Variants in RRBP1 observed in about 807,000 individuals in gnomAD.
RRBP1 encodes ribosome binding protein 1, also known as ribosome-binding protein 1.
A neutral mutation model predicts 165.2 loss-of-function variants in RRBP1; 94 were observed. The observed-to-expected ratio is 0.57, with a 90% CI of 0.48 to 0.68. The LOEUF (loss-of-function observed/expected upper bound fraction) is 0.68, where lower values mean the gene tolerates loss of function less well. RRBP1 is among the 30% of genes least tolerant of loss of function. The pLI is 0.00. For missense variants in RRBP1, 1,676 were observed against 1,763.0 expected, an observed-to-expected ratio of 0.95 and a Z score of 0.88; for synonymous variants, 680 against 714.5, an observed-to-expected ratio of 0.95 and a Z score of 0.77.
intron 2 of RRBP1, among the ~76,000 whole-genome samples, chr20:17,674,085 T>C (rs972880619): frequency 3.9e-5 from 6 of 152,196 alleles, no homozygotes; most frequent in Admixed American, 2.0e-4. Context: ...TGCAGTTGAG[T>C]TGCACACTTT....
At chr20:17,647,193 A>T (rs1414975378) in intron 3 of RRBP1, among the ~76,000 whole-genome samples, 1 of 152,240 alleles carries the variant, frequency 6.6e-6, no homozygotes, top group African/African-American at 2.4e-5. Context: ...GCAGTTCGTA[A>T]ATTGCTGGGC....
intron 3 of RRBP1, among the ~76,000 whole-genome samples, chr20:17,657,102 G>C (rs1198412224): frequency 1.3e-5 from 2 of 152,246 alleles, no homozygotes; most frequent in Non-Finnish European, 1.5e-5. Context: ...TGATGTGGAA[G>C]AACCAAGTAA....
intron 1 of RRBP1, 98 bp downstream of exon 1, chr20:17,681,930 C>A (rs1365222418): frequency 6.8e-6 from 1 of 147,148 alleles, no homozygotes; most frequent in Non-Finnish European, 1.5e-5. Context: ...GAGGGGCCGC[C>A]GAGGAGACGT....
chr20:17,621,591 GT>G, intron 15 of RRBP1, 44 bp from the exon 16 acceptor site: 1 of 1,594,130 alleles, frequency 6.3e-7, no homozygotes, highest in Non-Finnish European at 8.6e-7. Flanking sequence ...ACACACAAAG[GT>G]TCTTCTCTTG....
intron 3 of RRBP1, among the ~76,000 whole-genome samples, chr20:17,648,727 G>GT (rs1239261915): frequency 6.6e-6 from 1 of 152,066 alleles, no homozygotes; most frequent in African/African-American, 2.4e-5. Flanking sequence ...TTAAAGTTTT[G>GT]TTTTTTCCTC....
At chr20:17,677,605 C>T (rs557390099) in intron 2 of RRBP1, among the ~76,000 whole-genome samples, 14 of 152,202 alleles carry the variant, frequency 9.2e-5, no homozygotes, top group Non-Finnish European at 1.9e-4. Context: ...TTTGGGAGGC[C>T]GAGGAGGGCA....
chr20:17,665,740 G>A (rs1342453033), intron 2 of RRBP1, among the ~76,000 whole-genome samples: 2 of 152,158 alleles, frequency 1.3e-5, no homozygotes, highest in Non-Finnish European at 2.9e-5. Context: ...TTATACCCCT[G>A]AAGCCAGCCA....
At chr20:17,628,947 C>A (rs1326966247) in intron 9 of RRBP1, among the ~76,000 whole-genome samples, 1 of 152,134 alleles carries the variant, frequency 6.6e-6, no homozygotes, top group Non-Finnish European at 1.5e-5. Context: ...ACAGTTGTGA[C>A]AGAGACTGGC....
intron 17 of RRBP1, 35 bp downstream of exon 17, chr20:17,620,680 C>T (rs1282580064): frequency 6.5e-7 from 1 of 1,530,494 alleles, no homozygotes; most frequent in Non-Finnish European, 9.0e-7. Context: ...TTCATGTGCT[C>T]CACGGCGCCG....
intron 13 of RRBP1, among the ~76,000 whole-genome samples, chr20:17,622,293 T>G (rs1001763315): frequency 6.6e-6 from 1 of 151,814 alleles, no homozygotes; most frequent in Admixed American, 6.6e-5. Flanking sequence ...TGTGCATGTG[T>G]GGGGGAATTT....
At chr20:17,615,009 C>G (rs1016972629) in intron 23 of RRBP1, 129 bp from the exon 24 acceptor site, 2 of 1,039,520 alleles carry the variant, frequency 1.9e-6, no homozygotes, top group Admixed American at 4.4e-5. Flanking sequence ...CTCCTGGTCA[C>G]CCGGAGATAG....
Position 17,636,616 on chromosome 20 carries a change from G to C in RRBP1, c.2298C>G (p.Tyr766Ter). The C allele has an allele frequency of 6.2e-7, 1 of 1,612,614 alleles. No homozygotes were observed. The highest frequency in any genetic ancestry group is 8.5e-7 in the Non-Finnish European group (1 of 1,180,012). Residue 766 changes from tyrosine to a stop codon, truncating the protein, a stop_gained, in exon 6 of 25, where the codon TAC becomes TAG. Coordinates refer to ENST00000377813, the MANE Select transcript of RRBP1 (RefSeq NM_001365613.2). LOFTEE classifies it high-confidence loss of function. ...GCTGCACCTCCTTCACGTGCTCCCG[G>C]TAGCTGGCCTGCATGCGTGCCTGCA... ...TAVQARMQASYREHVKEVQQL... is the reference protein window; with the variant it reads ...TAVQARMQAS
At chr20:17,616,507 C>T (rs2035802820) in intron 21 of RRBP1, among the ~76,000 whole-genome samples, 1 of 152,192 alleles carries the variant, frequency 6.6e-6, no homozygotes, top group Admixed American at 6.5e-5. Context: ...CTCTTCGAGT[C>T]CCACCTCCCC....
intron 2 of RRBP1, among the ~76,000 whole-genome samples, chr20:17,662,656 T>C (rs1375266195): frequency 6.6e-6 from 1 of 152,154 alleles, no homozygotes; most frequent in Non-Finnish European, 1.5e-5. Flanking sequence ...TACCAGGAAC[T>C]GGCCTTCCGA....
chr20:17,620,767 T>A lies in RRBP1; in HGVS notation c.3455A>T (p.Glu1152Val). ...LRDLQKSVEE[E>V]EQVWRAKVGA... ...CACCTTGGCCCTCCACACCTGCTCC[T>A]CCTCCTCCACGCTCTTCTGCAGGTC... Residue 1152 changes from glutamate (E) to valine (V), a missense_variant, in exon 17 of 25, where the codon GAG (glutamate) becomes GTG (valine). Physicochemically the swap from Glu to Val is moderately radical, Grantham distance 121. Coordinates refer to ENST00000377813, the MANE Select transcript of RRBP1 (RefSeq NM_001365613.2). 6.2e-7 allele frequency: 1 copy of A among 1,608,892 alleles called. No homozygotes were observed. Among genetic ancestry groups the A allele is most frequent in the Non-Finnish European group, 8.5e-7 (1 of 1,179,866 alleles).
chr20:17,614,284 C>CAGGGTAGAGGGCAGG, intron 24 of RRBP1, 64 bp from the exon 25 acceptor site: 1 of 1,521,488 alleles, frequency 6.6e-7, no homozygotes, highest in Non-Finnish European at 9.1e-7. Flanking sequence ...ACCACCTGCC[C>CAGGGTAGAGGGCAGG]TCTACCCTGG....
At position 17,643,468 on chromosome 20, in the gene RRBP1, C is replaced by A. The variant is rs992451626; in HGVS notation, c.1913-341G>T. Among the ~76,000 whole-genome samples the A allele has an allele frequency of 1.3e-5, 2 of 152,120 alleles. No homozygotes were observed. The highest frequency in any genetic ancestry group is 2.9e-5 in the Non-Finnish European group (2 of 68,012). On this transcript the variant is annotated intron_variant, in intron 3 of 24. Coordinates refer to ENST00000377813, the MANE Select transcript of RRBP1 (RefSeq NM_001365613.2). This position sits in a 1 kb window ranked among gnomAD's most constrained non-coding sequence, Gnocchi z 4.3. Reference sequence around the variant, plus strand: ...CTTTTTCCATAGGCTTTTCTCCCTTCCTTTTTTTTCTCGCAAATGCACTGG... The same window carrying A: ...CTTTTTCCATAGGCTTTTCTCCCTTACTTTTTTTTCTCGCAAATGCACTGG...
At chr20:17,669,914 C>T (rs569681252) in intron 2 of RRBP1, among the ~76,000 whole-genome samples, 8 of 152,156 alleles carry the variant, frequency 5.3e-5, no homozygotes, top group Non-Finnish European at 1.2e-4. Context: ...AATTTCCTAT[C>T]GTCTGCTTAA....
rs1326656653 is a variant in RRBP1 at position 17,660,174 on chromosome 20, C to T, written c.334G>A (p.Val112Met). The change falls in exon 3 of 25, where the codon GTG becomes ATG. Residue 112 changes from valine (V) to methionine (M), a missense_variant. Physicochemically the swap from Val to Met is conservative, Grantham distance 21. Transcript: ENST00000377813. ...APAVAVAPTP[V>M]QPPIIVAPVA... ...GGAGCAACGATAATGGGGGGCTGCACTGGGGTTGGAGCCACAGCCACAGCA... is the reference window on the plus strand; with the variant it reads ...GGAGCAACGATAATGGGGGGCTGCATTGGGGTTGGAGCCACAGCCACAGCA... The T allele has an allele frequency of 1.2e-6, 2 of 1,613,908 alleles. No individual in the cohort carries two copies. The highest frequency in any genetic ancestry group is 2.7e-5 in the African/African-American group (2 of 74,910).
Sources: gnomAD v4.1 joint callset for allele counts (sites outside exome capture counted in the v4.1 genomes callset) on GRCh38, gnomAD v4.1.1 for gene constraint, Gnocchi (gnomAD v3.1) non-coding constraint, MANE v1.5 for transcripts, NCBI Gene and HGNC (gene_info 2026-07-23, HGNC 2026-07-21) for gene names.